NLGN1: variants seen among roughly 807,000 people sequenced by gnomAD.
NLGN1 encodes the protein neuroligin-1.
In NLGN1, 12 loss-of-function variants were observed where a neutral mutation model predicts 65.5. The ratio of observed to expected loss-of-function variants is 0.18; its 90% CI spans 0.12 to 0.30. The LOEUF is 0.30. NLGN1 is among the 10% of genes least tolerant of loss of function. The pLI, the probability that NLGN1 is intolerant of heterozygous loss-of-function variation, is 1.00. For missense variants in NLGN1, 750 were observed against 1,007.1 expected (o/e 0.74, Z 3.46); for synonymous variants, 350 against 359.5 (o/e 0.97, Z 0.30).
At chr3:173,554,208 TA>T (rs1304280083) in intron 2 of NLGN1, among the ~76,000 whole-genome samples, 1 of 152,178 alleles carries the variant, frequency 6.6e-6, no homozygotes, top group Non-Finnish European at 1.5e-5. Flanking sequence ...TTTCCAAAAC[TA>T]AAAATTAAAG....
At chr3:173,946,459 A>G (rs777276002) in intron 4 of NLGN1, among the ~76,000 whole-genome samples, 1 of 152,212 alleles carries the variant, frequency 6.6e-6, no homozygotes, top group African/African-American at 2.4e-5. Flanking sequence ...TTACAGCACT[A>G]TTTTTAATAT....
chr3:173,451,089 G>T (rs1204463402), intron 2 of NLGN1, among the ~76,000 whole-genome samples: 1 of 152,128 alleles, frequency 6.6e-6, no homozygotes, highest in Admixed American at 6.5e-5. Context: ...GTCTAGCTTT[G>T]TTCCATTGCT....
intron 3 of NLGN1, among the ~76,000 whole-genome samples, chr3:173,678,122 A>G (rs957486813): frequency 2.0e-5 from 3 of 152,096 alleles, no homozygotes; most frequent in East Asian, 3.9e-4. Flanking sequence ...TTGAAATACA[A>G]TGTATCTAGT....
intron 2 of NLGN1, among the ~76,000 whole-genome samples, chr3:173,469,132 T>C (rs1274406789): frequency 6.6e-6 from 1 of 152,148 alleles, no homozygotes; most frequent in African/African-American, 2.4e-5. Context: ...TAATACACTA[T>C]TGATACTTCT....
At chr3:173,948,622 C>T (rs1273186365) in intron 4 of NLGN1, among the ~76,000 whole-genome samples, 2 of 152,144 alleles carry the variant, frequency 1.3e-5, no homozygotes, top group Admixed American at 1.3e-4. Flanking sequence ...AGGACACATT[C>T]CATAGACAGG....
At chr3:174,117,779 A>T (rs749385769) in intron 4 of NLGN1, among the ~76,000 whole-genome samples, 23 of 152,218 alleles carry the variant, frequency 1.5e-4, no homozygotes, top group Non-Finnish European at 2.9e-4. Context: ...ATCCATAAAA[A>T]GTTGATTGAT....
chr3:173,669,199 G>C (rs939606951), intron 3 of NLGN1, among the ~76,000 whole-genome samples: 2 of 152,194 alleles, frequency 1.3e-5, no homozygotes, highest in Non-Finnish European at 2.9e-5. Context: ...AGTGAGACTT[G>C]TTAGGAAGGT....
chr3:174,223,971 C>T (rs990916290), intron 4 of NLGN1, among the ~76,000 whole-genome samples: 1 of 152,164 alleles, frequency 6.6e-6, no homozygotes, highest in Admixed American at 6.5e-5. Context: ...ATTCTACTTC[C>T]TAAATGTCTC....
At chr3:174,106,518 T>C (rs1241868301) in intron 4 of NLGN1, among the ~76,000 whole-genome samples, 1 of 152,072 alleles carries the variant, frequency 6.6e-6, no homozygotes, top group Non-Finnish European at 1.5e-5. Context: ...CAAGAATTTA[T>C]ATATACTATA....
At chr3:173,715,897 A>T (rs1269605869) in intron 3 of NLGN1, among the ~76,000 whole-genome samples, 4 of 148,690 alleles carry the variant, frequency 2.7e-5, no homozygotes, top group Non-Finnish European at 3.0e-5. Flanking sequence ...GAAAAAAAAA[A>T]TTTCATTATT....
At chr3:173,543,455 T>C (rs1310094933) in intron 2 of NLGN1, among the ~76,000 whole-genome samples, 1 of 152,114 alleles carries the variant, frequency 6.6e-6, no homozygotes, top group African/African-American at 2.4e-5. Flanking sequence ...TGATGTATAC[T>C]TATGAGGATA....
chr3:174,104,478 A>G lies in NLGN1; in HGVS notation c.647-170837A>G, dbSNP rs776867623. Among the ~76,000 whole-genome samples, 13 of 152,322 alleles carry G rather than the reference A, an allele frequency of 8.5e-5. No homozygotes were observed. The South Asian group carries it at 1.0e-3, about 12-fold the overall frequency. Reference sequence around the variant, plus strand: ...ACACTGTGAAACACACTGGGGATTCAAAGACTGCCTTACTAGGCATAGATT... The same window carrying G: ...ACACTGTGAAACACACTGGGGATTCGAAGACTGCCTTACTAGGCATAGATT... On this transcript the variant is annotated intron_variant, in intron 4 of 6. Transcript: ENST00000457714.
chr3:173,997,339 C>CATCCATATTAATTG (rs1171905875), intron 4 of NLGN1, among the ~76,000 whole-genome samples: 5 of 152,270 alleles, frequency 3.3e-5, no homozygotes, highest in Non-Finnish European at 7.4e-5. Context: ...AGGCACCAGA[C>CATCCATATTAATTG]ATCCATATTA....
intron 4 of NLGN1, among the ~76,000 whole-genome samples, chr3:173,904,589 A>G (rs963365575): frequency 4.0e-5 from 6 of 151,508 alleles, no homozygotes; most frequent in African/African-American, 1.5e-4. Context: ...CCATTTCGGT[A>G]TGGCAGCTGG....
chr3:173,714,977 A>G (rs1032344123), intron 3 of NLGN1, among the ~76,000 whole-genome samples: 4 of 152,112 alleles, frequency 2.6e-5, no homozygotes, highest in Non-Finnish European at 4.4e-5. Flanking sequence ...GCCTTTTGAT[A>G]TAACATAAAG....
chr3:173,601,707 A>G (rs192668233), intron 2 of NLGN1, among the ~76,000 whole-genome samples: 4 of 152,176 alleles, frequency 2.6e-5, no homozygotes, highest in African/African-American at 9.6e-5. Context: ...TAAATAACCA[A>G]ATTATTACAC....
intron 3 of NLGN1, among the ~76,000 whole-genome samples, chr3:173,639,468 A>T (rs372882369): frequency 2.0e-5 from 3 of 152,184 alleles, no homozygotes; most frequent in South Asian, 2.1e-4. Flanking sequence ...GTGAAAACTG[A>T]TAGGGATAAG....
intron 4 of NLGN1, chr3:173,920,901 A>G (rs1741876489): frequency 1.3e-5 from 2 of 152,090 alleles, no homozygotes; most frequent in Admixed American, 6.6e-5. Flanking sequence ...ATGTATACAT[A>G]TGTTTAAAAT....
the NLGN1 span, among the ~76,000 whole-genome samples, chr3:174,292,387 T>A: frequency 5.3e-5 from 8 of 151,386 alleles, no homozygotes; most frequent in Admixed American, 5.3e-4. Context: ...TAGGAATATA[T>A]CTAAAGGACA....
Sources: allele counts gnomAD v4.1 joint callset (sites outside exome capture counted in the v4.1 genomes callset), GRCh38; gene constraint gnomAD v4.1.1; transcripts MANE v1.5; gene names NCBI Gene and HGNC (gene_info 2026-07-23, HGNC 2026-07-21).